TG: variants seen among roughly 807,000 people sequenced by gnomAD.
TG encodes the protein thyroid hormones.
A neutral mutation model predicts 324.7 loss-of-function variants in TG; 270 were observed. The observed-to-expected ratio is 0.83, with a 90% CI of 0.75 to 0.92. TG has a LOEUF of 0.92. Ranked by LOEUF, TG falls within the 40% of genes least tolerant of loss-of-function variation. TG has a pLI of 0.00. For synonymous variants in TG, 1,401 were observed against 1,327.0 expected (o/e 1.06, Z -1.21); for missense variants, 3,591 against 3,456.4 (o/e 1.04, Z -0.98).
intron 20 of TG, 23 bp from the exon 21 acceptor site, chr8:132,919,353 A>G (rs770661413): frequency 3.7e-6 from 6 of 1,612,040 alleles, no homozygotes; most frequent in Admixed American, 1.7e-5. Flanking sequence ...GATTTTTAAC[A>G]TCATTTCTCT....
intron 23 of TG, among the ~76,000 whole-genome samples, chr8:132,932,412 G>A (rs955195878): frequency 6.6e-6 from 1 of 152,260 alleles, no homozygotes; most frequent in South Asian, 2.1e-4. Flanking sequence ...TCAGGAATTG[G>A]ATTGCAAAGG....
At chr8:132,997,003 T>C (rs1320574786) in intron 35 of TG, among the ~76,000 whole-genome samples, 3 of 152,124 alleles carry the variant, frequency 2.0e-5, no homozygotes, top group Non-Finnish European at 4.4e-5. Context: ...AGACACTACG[T>C]TTTTTGTTTG....
chr8:132,886,823 A>T lies in TG; in HGVS notation c.1451A>T (p.Asn484Ile), dbSNP rs777190518. The T allele has an allele frequency of 1.1e-5, 18 of 1,614,030 alleles. No homozygotes were observed. Among genetic ancestry groups the T allele is most frequent in the Admixed American group, 8.3e-5 (5 of 60,002 alleles). ...GKFLVNVGQF[N>I]LSGALGTRGT... ...TTTTTGGTGAATGTTGGCCAGTTTA[A>T]CTTGTCTGGAGCCCTTGGCACAAGA... The change falls in exon 9 of 48, where the codon AAC (asparagine) becomes ATC (isoleucine). Residue 484 changes from asparagine (N) to isoleucine (I), a missense_variant. Asn to Ile is a moderately radical substitution (Grantham distance 149). Coordinates refer to ENST00000220616, the MANE Select transcript of TG (RefSeq NM_003235.5).
At chr8:133,080,991 C>A (rs969722802) in intron 41 of TG, among the ~76,000 whole-genome samples, 1 of 152,236 alleles carries the variant, frequency 6.6e-6, no homozygotes, top group Admixed American at 6.5e-5. Context: ...ATTGGAGTAA[C>A]GAGCAAGAGA....
chr8:132,938,599 A>C (rs1823953537), intron 25 of TG, among the ~76,000 whole-genome samples: 2 of 152,280 alleles, frequency 1.3e-5, no homozygotes, highest in African/African-American at 2.4e-5. Flanking sequence ...AATCACTGAT[A>C]GGGGAATAGA....
At chr8:133,048,018 A>C (rs1839784265) in intron 41 of TG, 2 of 725,782 alleles carry the variant, frequency 2.8e-6, no homozygotes. Context: ...CGTACTAAGC[A>C]CCTGAAACCT....
At chr8:133,114,857 A>C (rs1445346274) in intron 44 of TG, among the ~76,000 whole-genome samples, 1 of 152,196 alleles carries the variant, frequency 6.6e-6, no homozygotes, top group East Asian at 1.9e-4. Context: ...CTCTCCACTC[A>C]GGAGCCTGTG....
In TG at chr8:133,010,407, T is replaced by C. The variant is rs951349311; in HGVS notation, c.6263-1494T>C. On this transcript the variant is annotated intron_variant, in intron 35 of 47. Coordinates refer to ENST00000220616, the MANE Select transcript of TG (RefSeq NM_003235.5). ...CAAGGTAAATGCTACCAAATATTTA[T>C]TAAAGGACACACTACTGTGGTCTTC... Among the ~76,000 whole-genome samples the C allele has an allele frequency of 2.0e-5, 3 of 152,148 alleles. No homozygotes were observed. The South Asian group carries it at 6.2e-4, about 32-fold the overall frequency.
At chr8:132,906,564 G>C in intron 16 of TG, 124 bp from the exon 17 acceptor site, 1 of 1,107,540 alleles carries the variant, frequency 9.0e-7, no homozygotes, top group African/African-American at 1.5e-5. Context: ...GAGCTTGACA[G>C]GTCCAGGGAA....
At chr8:133,082,370 G>A (rs1198204038) in intron 41 of TG, among the ~76,000 whole-genome samples, 1 of 152,176 alleles carries the variant, frequency 6.6e-6, no homozygotes, top group Non-Finnish European at 1.5e-5. Context: ...AAGGGACGGA[G>A]GGCAGGAGAG....
At chr8:132,963,153 T>C (rs1359854990) in intron 29 of TG, 79 bp downstream of exon 29, 1 of 1,296,906 alleles carries the variant, frequency 7.7e-7, no homozygotes, top group Non-Finnish European at 1.1e-6. Flanking sequence ...GTTTAATCAA[T>C]GAACGGACGT....
intron 41 of TG, chr8:133,049,849 G>A: frequency 8.7e-7 from 1 of 1,155,752 alleles, no homozygotes. Flanking sequence ...CACCTTATGA[G>A]TCACCAGCAT....
chr8:133,108,359 C>T (rs1376720375), intron 43 of TG, among the ~76,000 whole-genome samples: 1 of 152,114 alleles, frequency 6.6e-6, no homozygotes, highest in Non-Finnish European at 1.5e-5. Flanking sequence ...TCAGTGGGGA[C>T]AAAGCTCTGC....
intron 41 of TG, among the ~76,000 whole-genome samples, chr8:133,062,030 C>A (rs867376116): frequency 2.6e-5 from 4 of 152,332 alleles, no homozygotes; most frequent in South Asian, 2.1e-4. Context: ...AAGACAATGA[C>A]CAGGCTCGCA....
In TG at chr8:132,888,451, T is replaced by C. The variant is rs1815738772; in HGVS notation, c.2644T>C (p.Ser882Pro). 1 of 1,612,186 alleles carries C rather than the reference T, an allele frequency of 6.2e-7. No homozygotes were observed. Among genetic ancestry groups the C allele is most frequent in the South Asian group, 1.1e-5 (1 of 90,854 alleles). ...TGGCCAACTCAGCCAATACCCGGGG[T>C]CCTACTCAGACTTCAGCACTCCTTT... ...LNGQLSQYPG[S>P]YSDFSTPLAH... Residue 882 changes from serine to proline, a missense_variant, in exon 10 of 48, where the codon TCC becomes CCC. Ser to Pro is a moderately conservative substitution (Grantham distance 74). Coordinates refer to ENST00000220616, the MANE Select transcript of TG (RefSeq NM_003235.5).
chr8:132,942,597 G>A (rs747959725), intron 26 of TG, among the ~76,000 whole-genome samples: 4 of 152,188 alleles, frequency 2.6e-5, no homozygotes, highest in Non-Finnish European at 5.9e-5. Flanking sequence ...GGGTCTGGTG[G>A]GAGAGGCAGT....
At chr8:132,914,707 G>A (rs1204049287) in intron 20 of TG, among the ~76,000 whole-genome samples, 3 of 152,206 alleles carry the variant, frequency 2.0e-5, no homozygotes, top group South Asian at 2.1e-4. Context: ...AATAGAGGGC[G>A]AGTAAGCCCA....
intron 35 of TG, among the ~76,000 whole-genome samples, chr8:132,985,879 T>G (rs1172485379): frequency 6.6e-6 from 1 of 152,182 alleles, no homozygotes; most frequent in Non-Finnish European, 1.5e-5. Flanking sequence ...CGTTTCCTTT[T>G]TTCCTTGTTC....
At chr8:132,909,854 C>T (rs373335958) in intron 18 of TG, among the ~76,000 whole-genome samples, 114 of 152,280 alleles carry the variant, frequency 7.5e-4, no homozygotes, top group East Asian at 9.6e-4. Context: ...TTTTGAATCC[C>T]GGCTCTACTA....
Sources: gnomAD v4.1 joint callset for allele counts (sites outside exome capture counted in the v4.1 genomes callset) on GRCh38, gnomAD v4.1.1 for gene constraint, MANE v1.5 for transcripts, NCBI Gene and HGNC (gene_info 2026-07-23, HGNC 2026-07-21) for gene names.